CELF5: variants seen among roughly 807,000 people sequenced by gnomAD.
CELF5 encodes the protein CUGBP Elav-like family member 5, also known as CUG-BP and ETR-3 like factor 5.
Under a neutral mutation model 54.9 loss-of-function variants are expected in CELF5, and 6 were observed. The ratio of observed to expected loss-of-function variants is 0.11; its 90% CI spans 0.06 to 0.22. The LOEUF (loss-of-function observed/expected upper bound fraction) is 0.22. CELF5 is among the 10% of genes least tolerant of loss of function. The pLI is 1.00. For synonymous variants in CELF5, 271 were observed against 290.9 expected (o/e 0.93, Z 0.70); for missense variants, 401 against 678.6 (o/e 0.59, Z 4.54).
At chr19:3,286,365 G>A in intron 10 of CELF5, 1 of 303,194 alleles carries the variant, frequency 3.3e-6, no homozygotes, top group South Asian at 9.4e-5. Context: ...ATCAGGTAAT[G>A]AGGCCTCCCC....
At chr19:3,251,623 G>A (rs1398761792) in intron 2 of CELF5, among the ~76,000 whole-genome samples, 2 of 151,442 alleles carry the variant, frequency 1.3e-5, no homozygotes, top group Admixed American at 6.6e-5. Flanking sequence ...TGGTGCAAAC[G>A]GAGCCACAGT....
At chr19:3,273,815 C>G in intron 2 of CELF5, 57 bp from the exon 3 acceptor site, 1 of 1,254,806 alleles carries the variant, frequency 8.0e-7, no homozygotes, top group Middle Eastern at 1.9e-4. Flanking sequence ...GCAAAACCCC[C>G]CGCCTGCCAC....
At chr19:3,264,085 A>C (rs1262210756) in intron 2 of CELF5, among the ~76,000 whole-genome samples, 2 of 152,024 alleles carry the variant, frequency 1.3e-5, no homozygotes, top group African/African-American at 4.8e-5. Context: ...AGGAGCCACT[A>C]TCTGGTTGTC....
intron 2 of CELF5, among the ~76,000 whole-genome samples, chr19:3,256,386 C>A (rs547627305): frequency 1.3e-5 from 2 of 152,064 alleles, no homozygotes; most frequent in East Asian, 3.9e-4. Context: ...GTCCTCCAAA[C>A]CCCTTTGTTC....
rs1398327255 is a variant in CELF5 at position 3,225,011 on chromosome 19, C to T, written c.259+13C>T. The stretch of plus-strand genomic sequence containing the variant: ...GGGATGCACAAAGGTGGGCGCCCGG[C>T]CCCCTCCCCCCTCTCCCCCTCCCTC... On this transcript the variant is annotated intron_variant, in intron 1 of 12. Transcript: ENST00000292672. 5 of 1,118,550 alleles carry T rather than the reference C, an allele frequency of 4.5e-6. No homozygotes were observed. The highest frequency in any genetic ancestry group is 6.1e-6 in the Non-Finnish European group (5 of 825,100). 69.3% of individuals were successfully genotyped at this position (1,118,550 alleles called of 1,614,324 possible).
chr19:3,256,759 G>A (rs1056427943), intron 2 of CELF5, among the ~76,000 whole-genome samples: 2 of 151,772 alleles, frequency 1.3e-5, no homozygotes, highest in Non-Finnish European at 2.9e-5. Flanking sequence ...GTAGAGATGG[G>A]GTTTCACCAT....
At chr19:3,240,175 C>T (rs1286065461) in intron 1 of CELF5, among the ~76,000 whole-genome samples, 1 of 152,030 alleles carries the variant, frequency 6.6e-6, no homozygotes, top group Non-Finnish European at 1.5e-5. Flanking sequence ...CGCCACCACA[C>T]CTAGCCAATT....
intron 1 of CELF5, among the ~76,000 whole-genome samples, chr19:3,247,416 A>G (rs897876788): frequency 6.6e-5 from 10 of 151,604 alleles, no homozygotes; most frequent in African/African-American, 2.2e-4. Context: ...GTGAGCCATC[A>G]CGCCCGGCCT....
Position 3,281,637 on chromosome 19 carries a change from C to A in CELF5, c.750+292C>A, listed in dbSNP as rs981535473. On this transcript the variant is annotated intron_variant, in intron 6 of 12. Coordinates refer to ENST00000292672, the MANE Select transcript of CELF5 (RefSeq NM_021938.4). The surrounding 1 kb of genome is among the most constrained non-coding windows in gnomAD (Gnocchi z 6.5). ...TGAACCTCCAAATCCAGACTGATCC[C>A]AAACTGAGACCTGACCTGATCAAGC... 5.3e-5 allele frequency among the ~76,000 whole-genome samples: 8 copies of A among 152,190 alleles called. No individual in the cohort carries two copies. The highest frequency in any genetic ancestry group is 1.9e-4 in the African/African-American group (8 of 41,450).
intron 1 of CELF5, among the ~76,000 whole-genome samples, chr19:3,231,615 AGATGGATGGATGGTAGATGGGTGGATG>A (rs1244345151): frequency 7.7e-6 from 1 of 129,462 alleles, no homozygotes; most frequent in African/African-American, 3.0e-5. Context: ...ATGGATGGAT[AGATGGATGGATGGTAGATGGGTGGATG>A]GATGGATGGA....
intron 2 of CELF5, among the ~76,000 whole-genome samples, chr19:3,260,313 C>T (rs2145181556): frequency 6.6e-6 from 1 of 152,136 alleles, no homozygotes; most frequent in Middle Eastern, 3.4e-3. Context: ...GATGGGGTTT[C>T]GCCATGTTGG....
intron 5 of CELF5, among the ~76,000 whole-genome samples, chr19:3,279,733 C>T (rs1324818022): frequency 2.6e-5 from 4 of 152,102 alleles, no homozygotes; most frequent in African/African-American, 7.2e-5. Context: ...GACAGAGTCT[C>T]GCTCTGTCGC....
intron 1 of CELF5, among the ~76,000 whole-genome samples, chr19:3,244,846 T>C (rs2079541919): frequency 6.6e-6 from 1 of 150,948 alleles, no homozygotes; most frequent in South Asian, 2.1e-4. Context: ...TATGCATCTG[T>C]GCATGTGTGT....
At chr19:3,250,358 G>A (rs185445081) in intron 1 of CELF5, among the ~76,000 whole-genome samples, 57 of 152,152 alleles carry the variant, frequency 3.7e-4, no homozygotes, top group African/African-American at 1.3e-3. Flanking sequence ...GCATGGTGGC[G>A]GGCGCCTGTA....
chr19:3,254,333 C>T (rs549923876), intron 2 of CELF5, among the ~76,000 whole-genome samples: 25 of 152,076 alleles, frequency 1.6e-4, no homozygotes, highest in Admixed American at 1.2e-3. Flanking sequence ...CTACCTGTCA[C>T]CCATCTACCT....
intron 1 of CELF5, among the ~76,000 whole-genome samples, chr19:3,250,027 C>A (rs2079626198): frequency 6.6e-6 from 1 of 152,298 alleles, no homozygotes; most frequent in East Asian, 1.9e-4. Flanking sequence ...TGGTCTCACC[C>A]TTTGCGGGGG....
At chr19:3,292,606 G>A (rs2080370296) in intron 11 of CELF5, among the ~76,000 whole-genome samples, 1 of 152,112 alleles carries the variant, frequency 6.6e-6, no homozygotes, top group Non-Finnish European at 1.5e-5. Flanking sequence ...ATTTCTGATG[G>A]CCTCTGGACA....
At position 3,275,993 on chromosome 19, in the gene CELF5, C is replaced by T. The variant is rs2080042397; in HGVS notation, c.523+9C>T. ...TGACGGCAGCAGCAAAGGTGACTGGCGGGGGCCGGGGCGGGACTGCGAGAG... is the reference window on the plus strand; with the variant it reads ...TGACGGCAGCAGCAAAGGTGACTGGTGGGGGCCGGGGCGGGACTGCGAGAG... On this transcript the variant is annotated intron_variant, in intron 4 of 12. Coordinates refer to ENST00000292672, the MANE Select transcript of CELF5 (RefSeq NM_021938.4). This position sits in a 1 kb window ranked among gnomAD's most constrained non-coding sequence, Gnocchi z 6.7. 3.0e-6 allele frequency: 3 copies of T among 991,570 alleles called. No homozygotes were observed. The highest frequency in any genetic ancestry group is 2.4e-5 in the South Asian group (1 of 41,438). 61.4% of individuals were successfully genotyped at this position (991,570 alleles called of 1,614,324 possible). A position where few individuals can be genotyped will look rare whatever the true frequency, so the allele number is the denominator to read the frequency against.
rs146689899 is a variant in CELF5, at chr19:3,246,769, A to G, written c.260-4216A>G. ...GAGCAACTTTATTCATAATTGCCCC[A>G]AATAGCAAACATCCCAATGCCCACC... is the stretch of plus-strand genomic sequence containing the variant. On this transcript the variant is annotated intron_variant, in intron 1 of 12. Transcript: ENST00000292672. Among the ~76,000 whole-genome samples, 125 of 152,310 alleles carry G rather than the reference A, an allele frequency of 8.2e-4. 1 individual carries two copies. The highest frequency in any genetic ancestry group is 1.7e-3 in the Non-Finnish European group (115 of 68,024).
Sources: gnomAD v4.1 joint callset for allele counts (sites outside exome capture counted in the v4.1 genomes callset) on GRCh38, gnomAD v4.1.1 for gene constraint, Gnocchi (gnomAD v3.1) non-coding constraint, MANE v1.5 for transcripts, NCBI Gene and HGNC (gene_info 2026-07-23, HGNC 2026-07-21) for gene names.